DLEC1: variants seen among roughly 807,000 people sequenced by gnomAD.
DLEC1 encodes the protein deleted in lung and esophageal cancer protein 1.
Under a neutral mutation model 198.1 loss-of-function variants are expected in DLEC1, and 146 were observed. The ratio of observed to expected loss-of-function variants is 0.74; its 90% CI spans 0.64 to 0.85. DLEC1 has a LOEUF of 0.85. DLEC1 is among the 40% of genes least tolerant of loss of function. The pLI, the probability that DLEC1 is intolerant of heterozygous loss-of-function variation, is 0.00. For missense variants in DLEC1, 2,233 were observed against 2,220.0 expected, an observed-to-expected ratio of 1.01 and a Z score of -0.12; for synonymous variants, 897 against 866.8, an observed-to-expected ratio of 1.03 and a Z score of -0.61.
chr3:38,093,696 G>T lies in DLEC1; in HGVS notation c.1848G>T (p.Gln616His), dbSNP rs1164221114. ...GAGAGCTCACAGACTTAACAGCCCA[G>T]CACTTCATACGATTTGAGCCTGAAA... ...DPGELTDLTA[Q>H]HFIRFEPENL... The change falls in exon 12 of 37, where the codon CAG becomes CAT. Residue 616 changes from glutamine (Q) to histidine (H), a missense_variant. Coordinates refer to ENST00000308059, the MANE Select transcript of DLEC1 (RefSeq NM_007335.4). 1 of 1,614,204 alleles carries T rather than the reference G, an allele frequency of 6.2e-7. No individual in the cohort carries two copies.
At chr3:38,074,442 G>A (rs559790241) in intron 6 of DLEC1, among the ~76,000 whole-genome samples, 13 of 152,330 alleles carry the variant, frequency 8.5e-5, no homozygotes, top group South Asian at 2.1e-4. Context: ...GGTCTAGGGC[G>A]GTAAAGCGTC....
Position 38,062,242 on chromosome 3 carries a change from C to G in DLEC1, c.747C>G (p.Asn249Lys), listed in dbSNP as rs765051280. The G allele has an allele frequency of 6.2e-7, 1 of 1,614,096 alleles. No individual in the cohort carries two copies. The highest frequency in any genetic ancestry group is 1.3e-5 in the African/African-American group (1 of 74,930). ...EKRSVQKKELNKKLEDSCRKK... is the reference protein window; with the variant it reads ...EKRSVQKKELKKKLEDSCRKK... ...GTTCCGTCCAGAAGAAAGAGCTGAACAAGAAGCTTGAAGATTCATGCAGGA... is the reference window on the plus strand; with the variant it reads ...GTTCCGTCCAGAAGAAAGAGCTGAAGAAGAAGCTTGAAGATTCATGCAGGA... Residue 249 changes from asparagine (N) to lysine (K), a missense_variant, in exon 4 of 37, where the codon AAC (asparagine) becomes AAG (lysine). By Grantham distance (94) the Asn-to-Lys change is moderately conservative. Transcript: ENST00000308059.
chr3:38,095,531 T>G (rs1698969231), intron 13 of DLEC1: 3 of 326,212 alleles, frequency 9.2e-6, no homozygotes, highest in Admixed American at 8.7e-5. Context: ...GTTAGTGGGT[T>G]TGGGGCTGAG....
At chr3:38,102,439 A>G (rs190427821) in intron 19 of DLEC1, among the ~76,000 whole-genome samples, 29 of 152,282 alleles carry the variant, frequency 1.9e-4, no homozygotes, top group African/African-American at 7.0e-4. Flanking sequence ...GTAATCTGTT[A>G]TAGTCTTATC....
In DLEC1 at chr3:38,110,291, G is replaced by A; in HGVS notation, c.3443+10G>A. The A allele has an allele frequency of 6.2e-7, 1 of 1,613,944 alleles. No individual in the cohort carries two copies. ...GCAAAAAGACCAGCCTGTAAGTCTT[G>A]CTTCTTTCACTTCCCAGGGCAGATG... On this transcript the variant is annotated intron_variant, in intron 23 of 36. Transcript: ENST00000308059.
intron 6 of DLEC1, among the ~76,000 whole-genome samples, chr3:38,065,435 A>C (rs1287179394): frequency 6.6e-6 from 1 of 151,984 alleles, no homozygotes; most frequent in Admixed American, 6.6e-5. Context: ...AGAGGGCGGA[A>C]ATTTTTAACT....
chr3:38,085,684 A>C (rs565652016), intron 8 of DLEC1, among the ~76,000 whole-genome samples: 1 of 152,238 alleles, frequency 6.6e-6, no homozygotes, highest in Non-Finnish European at 1.5e-5. Flanking sequence ...GCAGGGGATG[A>C]GGCCAACAGT....
At chr3:38,090,459 CAT>C (rs1698685273) in intron 10 of DLEC1, among the ~76,000 whole-genome samples, 1 of 152,238 alleles carries the variant, frequency 6.6e-6, no homozygotes, top group Non-Finnish European at 1.5e-5. Flanking sequence ...AGATCATTCT[CAT>C]ATGTTTTAGT....
intron 19 of DLEC1, 43 bp from the exon 20 acceptor site, chr3:38,107,541 C>T: frequency 6.6e-7 from 1 of 1,506,134 alleles, no homozygotes; most frequent in Non-Finnish European, 8.9e-7. Flanking sequence ...AGCTTTACTT[C>T]TTCTTTTCTA....
At chr3:38,039,902 T>C (rs1264825093) in intron 1 of DLEC1, among the ~76,000 whole-genome samples, 1 of 152,280 alleles carries the variant, frequency 6.6e-6, no homozygotes, top group Non-Finnish European at 1.5e-5. Context: ...CGTTATATAT[T>C]GCATATATCA....
intron 6 of DLEC1, 73 bp downstream of exon 6, chr3:38,063,992 T>C: frequency 9.5e-7 from 1 of 1,048,990 alleles, no homozygotes. Context: ...ATTATGGAAA[T>C]TTTCTTTTTT....
At chr3:38,109,860 C>T in intron 22 of DLEC1, 1 of 680,178 alleles carries the variant, frequency 1.5e-6, no homozygotes, top group Non-Finnish European at 2.4e-6. Flanking sequence ...GGCCCAGCAA[C>T]TGGGAGCCAT....
At chr3:38,120,366 G>T in intron 33 of DLEC1, 82 bp from the exon 34 acceptor site, 1 of 1,534,056 alleles carries the variant, frequency 6.5e-7, no homozygotes, top group South Asian at 1.2e-5. Context: ...GGCCTGGGAG[G>T]AAAGGAGGAT....
intron 27 of DLEC1, 32 bp from the exon 28 acceptor site, chr3:38,116,421 A>G (rs1414558087): frequency 6.2e-7 from 1 of 1,612,656 alleles, no homozygotes; most frequent in Admixed American, 1.7e-5. Flanking sequence ...CTCCTCCCTT[A>G]TTCCTCACCC....
In DLEC1 at chr3:38,062,561, T is replaced by A. The variant is rs1234082067; in HGVS notation, c.874-20T>A. On this transcript the variant is annotated intron_variant, in intron 4 of 36. Coordinates refer to ENST00000308059, the MANE Select transcript of DLEC1 (RefSeq NM_007335.4). Reference sequence around the variant, plus strand: ...ATCCCTTTGCCTGTCATTGACTCTATGCTTTTGTATGTTTCAAAGAAAGCA... The same window carrying A: ...ATCCCTTTGCCTGTCATTGACTCTAAGCTTTTGTATGTTTCAAAGAAAGCA... 2 of 1,613,786 alleles carry A rather than the reference T, an allele frequency of 1.2e-6. No homozygotes were observed. The highest frequency in any genetic ancestry group is 3.3e-5 in the Admixed American group (2 of 59,984).
rs762655651 is a variant in DLEC1 at position 38,062,365 on chromosome 3, C to G, written c.870C>G (p.Leu290=). 1.2e-6 allele frequency: 2 copies of G among 1,614,146 alleles called. No homozygotes were observed. The highest frequency in any genetic ancestry group is 1.7e-6 in the Non-Finnish European group (2 of 1,180,044). The part of the protein sequence containing the change: ...PKAKERTREP[L]KKASQPRNKN... Reference sequence around the variant, plus strand: ...CCAAAGAAAGGACCAGAGAACCTCTCAAGGTCAGTTTGGAAGGCTGTGCAG... The same window carrying G: ...CCAAAGAAAGGACCAGAGAACCTCTGAAGGTCAGTTTGGAAGGCTGTGCAG... Residue 290 remains leucine (L), a synonymous_variant, in exon 4 of 37, where the codon CTC becomes CTG. Transcript: ENST00000308059.
chr3:38,113,605 C>T (rs1210835886), intron 25 of DLEC1, among the ~76,000 whole-genome samples: 2 of 151,956 alleles, frequency 1.3e-5, no homozygotes, highest in African/African-American at 4.8e-5. Context: ...GTGGGAGGAT[C>T]ACTTGTGCCC....
In DLEC1 at chr3:38,100,292, C is replaced by T; in HGVS notation, c.2731C>T (p.Pro911Ser). ...TGAGTGTTCTCCGGGGCAGGTGTCT[C>T]CCTTCGACATTGAGCCTTCGAGTGG... ...SLQERPEDVS[P>S]FDIEPSSGQL... The change falls in exon 19 of 37, where the codon CCC becomes TCC. Residue 911 changes from proline to serine, a missense_variant. Physicochemically the swap from Pro to Ser is moderately conservative, Grantham distance 74 (BLOSUM62 -1). Coordinates refer to ENST00000308059, the MANE Select transcript of DLEC1 (RefSeq NM_007335.4). 6.2e-7 allele frequency: 1 copy of T among 1,610,606 alleles called. No individual in the cohort carries two copies. Among genetic ancestry groups the T allele is most frequent in the Middle Eastern group, 1.7e-4 (1 of 6,034 alleles).
chr3:38,046,222 AG>A (rs1309867771), intron 2 of DLEC1, among the ~76,000 whole-genome samples: 1 of 152,144 alleles, frequency 6.6e-6, no homozygotes, highest in East Asian at 1.9e-4. Flanking sequence ...GTGTGTGTGT[AG>A]GGTTGCAATG....
Sources: gnomAD v4.1 joint callset for allele counts (sites outside exome capture counted in the v4.1 genomes callset) on GRCh38, gnomAD v4.1.1 for gene constraint, MANE v1.5 for transcripts, NCBI Gene and HGNC (gene_info 2026-07-23, HGNC 2026-07-21) for gene names.